The following BOD1L1 variants were observed in gnomAD, a reference collection of about 807,000 sequenced individuals.
BOD1L1 encodes biorientation of chromosomes in cell division protein 1-like 1.
BOD1L1 carries 86 observed loss-of-function variants against 240.7 expected under a neutral mutation model. The observed-to-expected ratio is 0.36, with a 90% CI of 0.30 to 0.43. The LOEUF is 0.43. Among genes scored for constraint, BOD1L1 ranks in the 20% least tolerant of loss-of-function variants. BOD1L1 has a pLI of 1.00. For synonymous variants in BOD1L1, 1,268 were observed against 1,272.3 expected, an observed-to-expected ratio of 1.00 and a Z score of 0.07; for missense variants, 3,554 against 3,643.5, an observed-to-expected ratio of 0.98 and a Z score of 0.63.
chr4:13,579,067 G>T (rs10027264), intron 22 of BOD1L1, among the ~76,000 whole-genome samples: 5,269 of 152,148 alleles, frequency 0.035, 295 homozygotes, highest in African/African-American at 0.12. Flanking sequence ...TTTTAGTGAC[G>T]GTAGTAGTTG....
chr4:13,578,572 G>C (rs1712968478), intron 22 of BOD1L1, among the ~76,000 whole-genome samples: 1 of 152,166 alleles, frequency 6.6e-6, no homozygotes, highest in Non-Finnish European at 1.5e-5. Flanking sequence ...TTATGAGACA[G>C]GGTCTTGCTC....
intron 19 of BOD1L1, 144 bp from the exon 20 acceptor site, chr4:13,581,351 T>C (rs1383737231): frequency 1.2e-5 from 7 of 607,126 alleles, no homozygotes; most frequent in Non-Finnish European, 2.0e-5. Context: ...ATATGTGATG[T>C]AGGGCTTAGT....
chr4:13,604,264 T>G lies in BOD1L1; in HGVS notation c.2636A>C (p.Asp879Ala). The change falls in exon 10 of 26, where the codon GAC (aspartate) becomes GCC (alanine). Residue 879 changes from aspartate (D) to alanine (A), a missense_variant. Physicochemically the swap from Asp to Ala is moderately radical, Grantham distance 126. Coordinates refer to ENST00000040738, the MANE Select transcript of BOD1L1 (RefSeq NM_148894.3). ...CAAATTACTATCCATGTTAGTGGAG[T>G]CCATATCACACTTATCTTCCGAATA... ...ESYSEDKCDM[D>A]STNMDSNLKP... 6.2e-7 allele frequency: 1 copy of G among 1,612,348 alleles called. No individual in the cohort carries two copies. Among genetic ancestry groups the G allele is most frequent in the Non-Finnish European group, 8.5e-7 (1 of 1,179,534 alleles).
At chr4:13,572,021 A>G (rs1427957508) in intron 25 of BOD1L1, among the ~76,000 whole-genome samples, 1 of 152,206 alleles carries the variant, frequency 6.6e-6, no homozygotes. Context: ...TTATTTTTGA[A>G]TATGATAATG....
intron 25 of BOD1L1, among the ~76,000 whole-genome samples, chr4:13,572,109 C>G (rs1304866527): frequency 1.3e-5 from 2 of 152,136 alleles, no homozygotes; most frequent in Admixed American, 1.3e-4. Context: ...ATATACCAAA[C>G]CAATGCTATG....
rs564760369 is a variant in BOD1L1 at position 13,616,437 on chromosome 4, G to A, written c.369-935C>T. Among the ~76,000 whole-genome samples the A allele has an allele frequency of 1.1e-4, 16 of 152,320 alleles. 1 individual carries two copies. The South Asian group carries it at 2.1e-3, about 20-fold the overall frequency. ...TATCATATACAAGAGACAAAAGAGCGATGAGGACAACAATCTGTGAAATGT... is the reference window on the plus strand; with the variant it reads ...TATCATATACAAGAGACAAAAGAGCAATGAGGACAACAATCTGTGAAATGT... On this transcript the variant is annotated intron_variant, in intron 2 of 25. Transcript: ENST00000040738.
At chr4:13,584,696 G>C (rs1438783241) in intron 17 of BOD1L1, among the ~76,000 whole-genome samples, 1 of 152,024 alleles carries the variant, frequency 6.6e-6, no homozygotes, top group Non-Finnish European at 1.5e-5. Flanking sequence ...CTGATGACAC[G>C]CACGCAACTC....
chr4:13,609,537 A>G (rs568386085), intron 6 of BOD1L1, 131 bp from the exon 7 acceptor site: 2 of 535,822 alleles, frequency 3.7e-6, no homozygotes, highest in African/African-American at 2.0e-5. Flanking sequence ...AAAAATGCAC[A>G]TACACTACAT....
chr4:13,569,791 G>C lies in BOD1L1; in HGVS notation c.*220C>G, dbSNP rs1034061130. 2.8e-6 allele frequency: 1 copy of C among 354,706 alleles called. No individual in the cohort carries two copies. The highest frequency in any genetic ancestry group is 2.1e-5 in the African/African-American group (1 of 47,382). 22.0% of individuals were successfully genotyped at this position (354,706 alleles called of 1,614,324 possible). A position where few individuals can be genotyped will look rare whatever the true frequency, so the allele number is the denominator to read the frequency against. On this transcript the variant is annotated 3_prime_UTR_variant, in exon 26 of 26. Transcript: ENST00000040738. The stretch of plus-strand genomic sequence containing the variant: ...ACTTTGTTTTGAGTTCAGATACAAA[G>C]TAAACTTATTGTCCTTTATCTGAAA...
intron 5 of BOD1L1, 80 bp from the exon 6 acceptor site, chr4:13,611,180 C>G (rs552686357): frequency 9.7e-7 from 1 of 1,029,540 alleles, no homozygotes; most frequent in East Asian, 2.6e-5. Flanking sequence ...GCAGTAAAGG[C>G]AAGATGAATT....
intron 16 of BOD1L1, 122 bp from the exon 17 acceptor site, chr4:13,586,597 A>G: frequency 1.9e-6 from 1 of 519,942 alleles, no homozygotes; most frequent in South Asian, 3.7e-5. Flanking sequence ...AGAAGCCAAA[A>G]GTTACTCTAT....
At chr4:13,622,656 A>T (rs1349494642) in intron 1 of BOD1L1, among the ~76,000 whole-genome samples, 1 of 152,202 alleles carries the variant, frequency 6.6e-6, no homozygotes, top group Non-Finnish European at 1.5e-5. Context: ...GTTCCAAGGC[A>T]TTCTCATCTG....
rs751128794 is a variant in BOD1L1, at chr4:13,601,865, T to C, written c.5035A>G (p.Thr1679Ala). ...TCACTTTCAACTTCACTAATAAAAG[T>C]AATAGTTCCTTCAACTATTTCTGAG... is the stretch of plus-strand genomic sequence containing the variant. ...RDSEIVEGTI[T>A]FISEVESDGA... The change falls in exon 10 of 26, where the codon ACT (threonine) becomes GCT (alanine). Residue 1679 changes from threonine (T) to alanine (A), a missense_variant. By Grantham distance (58) the Thr-to-Ala change is moderately conservative. Coordinates refer to ENST00000040738, the MANE Select transcript of BOD1L1 (RefSeq NM_148894.3). 6.2e-7 allele frequency: 1 copy of C among 1,614,010 alleles called. No homozygotes were observed. The highest frequency in any genetic ancestry group is 1.1e-5 in the South Asian group (1 of 91,092).
At chr4:13,615,260 T>C (rs1034054939) in intron 3 of BOD1L1, 52 bp downstream of exon 3, 2 of 1,461,968 alleles carry the variant, frequency 1.4e-6, no homozygotes, top group African/African-American at 1.4e-5. Flanking sequence ...TAACTTGATA[T>C]TCAGTTCAAG....
chr4:13,574,106 G>A (rs923527818), intron 25 of BOD1L1, among the ~76,000 whole-genome samples: 1 of 152,182 alleles, frequency 6.6e-6, no homozygotes. Flanking sequence ...TAGACAGAAG[G>A]TTCTGAAAGT....
At chr4:13,590,507 AAAG>A in intron 13 of BOD1L1, 61 bp from the exon 14 acceptor site, 5 of 828,138 alleles carry the variant, frequency 6.0e-6, no homozygotes, top group Non-Finnish European at 7.4e-6. Flanking sequence ...AGGCAAAAAG[AAAG>A]AAGAGAGAAG....
In BOD1L1 at chr4:13,599,823, C is replaced by A. The variant is rs780032989; in HGVS notation, c.7077G>T (p.Gly2359=). 4 of 1,614,022 alleles carry A rather than the reference C, an allele frequency of 2.5e-6. No homozygotes were observed. The highest frequency in any genetic ancestry group is 2.2e-5 in the South Asian group (2 of 91,080). ...CTTCTGTGGCTGACAGGTCACCGTTCCCTTCTGGGTTGTCTGCAGTCAGCT... is the reference window on the plus strand; with the variant it reads ...CTTCTGTGGCTGACAGGTCACCGTTACCTTCTGGGTTGTCTGCAGTCAGCT... The part of the protein sequence containing the change: ...ENQLTADNPE[G]NGDLSATEVS... Residue 2359 remains glycine (G), a synonymous_variant, in exon 10 of 26, where the codon GGG becomes GGT. Coordinates refer to ENST00000040738, the MANE Select transcript of BOD1L1 (RefSeq NM_148894.3).
At chr4:13,621,542 C>T (rs533113166) in intron 1 of BOD1L1, among the ~76,000 whole-genome samples, 1 of 152,334 alleles carries the variant, frequency 6.6e-6, no homozygotes, top group South Asian at 2.1e-4. Flanking sequence ...TACATGCTAC[C>T]ATTCGAGCAA....
At chr4:13,595,135 T>C (rs1714519851) in intron 12 of BOD1L1, among the ~76,000 whole-genome samples, 1 of 152,196 alleles carries the variant, frequency 6.6e-6, no homozygotes, top group South Asian at 2.1e-4. Context: ...CCATTTTTCA[T>C]GAAAAAAGAG....
Sources: allele counts gnomAD v4.1 joint callset (sites outside exome capture counted in the v4.1 genomes callset), GRCh38; gene constraint gnomAD v4.1.1; transcripts MANE v1.5; gene names NCBI Gene and HGNC (gene_info 2026-07-23, HGNC 2026-07-21).